The following KCNG3 variants were observed in gnomAD, a reference collection of about 807,000 sequenced individuals.
The protein encoded by KCNG3 is potassium voltage-gated channel modifier subfamily G member 3.
A neutral mutation model predicts 29.0 loss-of-function variants in KCNG3; 15 were observed. That is an observed-to-expected ratio of 0.52 (90% confidence interval 0.35 to 0.80). The LOEUF is 0.80. Among genes scored for constraint, KCNG3 ranks in the 30% least tolerant of loss-of-function variants. The pLI is 0.01. For missense variants in KCNG3, 512 were observed against 605.7 expected (o/e 0.85, Z 1.62); for synonymous variants, 322 against 248.9 (o/e 1.29, Z -2.76).
the KCNG3 span, among the ~76,000 whole-genome samples, chr2:42,432,759 G>A: frequency 2.0e-5 from 3 of 151,966 alleles, no homozygotes; most frequent in Admixed American, 2.0e-4. Context: ...TATACCAATT[G>A]AAGAACTGTT....
the KCNG3 span, among the ~76,000 whole-genome samples, chr2:42,402,384 T>C: frequency 3.9e-5 from 6 of 152,216 alleles, no homozygotes; most frequent in Admixed American, 1.3e-4. Context: ...AATACTTTCC[T>C]TTTAATGGTT....
the KCNG3 span, among the ~76,000 whole-genome samples, chr2:42,407,126 T>C: frequency 6.6e-6 from 1 of 152,066 alleles, no homozygotes; most frequent in African/African-American, 2.4e-5. Flanking sequence ...CAGAATACAT[T>C]TGTCAGTTGT....
chr2:42,437,095 C>T (rs1672390353), downstream of KCNG3, among the ~76,000 whole-genome samples: 1 of 152,074 alleles, frequency 6.6e-6, no homozygotes, highest in South Asian at 2.1e-4. Context: ...CTATCTATTA[C>T]ATGAAGTGGG....
chr2:42,420,139 G>A, the KCNG3 span, among the ~76,000 whole-genome samples: 6 of 152,142 alleles, frequency 3.9e-5, no homozygotes, highest in African/African-American at 9.6e-5. Context: ...CAGGAGAATC[G>A]CTTGAACCCG....
chr2:42,408,834 A>G, the KCNG3 span, among the ~76,000 whole-genome samples: 2 of 152,148 alleles, frequency 1.3e-5, no homozygotes, highest in Non-Finnish European at 2.9e-5. Flanking sequence ...AGTAGAGAAG[A>G]GCTGCAGTCC....
chr2:42,404,289 G>A, the KCNG3 span, among the ~76,000 whole-genome samples: 3 of 141,682 alleles, frequency 2.1e-5, no homozygotes, highest in Non-Finnish European at 3.2e-5. Context: ...CATCAGTTGT[G>A]CCTGATACAA....
At chr2:42,429,744 G>A in the KCNG3 span, among the ~76,000 whole-genome samples, 1 of 152,326 alleles carries the variant, frequency 6.6e-6, no homozygotes, top group Admixed American at 6.5e-5. Context: ...CCAGGTGATG[G>A]TAAGACTCAG....
chr2:42,442,580 C>T lies in KCNG3; in HGVS notation c.*1354G>A, dbSNP rs1672510477. 6.6e-6 allele frequency: 1 copy of T among 152,242 alleles called. No individual in the cohort carries two copies. Among genetic ancestry groups the T allele is most frequent in the South Asian group, 2.1e-4 (1 of 4,834 alleles). The allele number at this position is 152,242 out of a possible 1,614,324, so 9.4% of individuals were successfully genotyped here. A position where few individuals can be genotyped will look rare whatever the true frequency, so the allele number is the denominator to read the frequency against. On this transcript the variant is annotated 3_prime_UTR_variant, in exon 2 of 2. Transcript: ENST00000306078. ...CCTCCATCACCCACCACTTCCCAAT[C>T]CCTGTCTTCTCTACCTCTGACAAAA...
At chr2:42,408,736 C>T in the KCNG3 span, among the ~76,000 whole-genome samples, 2,322 of 152,198 alleles carry the variant, frequency 0.015, 57 homozygotes, top group African/African-American at 0.052. Context: ...CACAAGAACT[C>T]GGGACCATGG....
intron 1 of KCNG3, among the ~76,000 whole-genome samples, chr2:42,448,025 G>C (rs192677238): frequency 1.5e-3 from 227 of 152,156 alleles, no homozygotes; most frequent in African/African-American, 5.2e-3. Context: ...TATTCCCCAC[G>C]GCCTCACTAA....
Position 42,444,444 on chromosome 2 carries a change from G to GATGT in KCNG3, c.797_800dup (p.Ser268HisfsTer26). 1 of 1,614,186 alleles carries GATGT rather than the reference G, an allele frequency of 6.2e-7. No individual in the cohort carries two copies. Among genetic ancestry groups the GATGT allele is most frequent in the Non-Finnish European group, 8.5e-7 (1 of 1,180,040 alleles). On this transcript the variant is annotated frameshift_variant, in exon 2 of 2. Transcript: ENST00000306078. LOFTEE classifies it high-confidence loss of function. The surrounding 1 kb of genome is among the most constrained non-coding windows in gnomAD (Gnocchi z 5.8). ...CTGTAAACACTGTCATCAACACAGA[G>GATGT]ATGTAATACGGCGTGATTGCCAGTA... is the stretch of plus-strand genomic sequence containing the variant.
At chr2:42,460,786 G>C (rs1397177554) in intron 1 of KCNG3, among the ~76,000 whole-genome samples, 1 of 152,124 alleles carries the variant, frequency 6.6e-6, no homozygotes, top group Non-Finnish European at 1.5e-5. Context: ...TAAATGGAAA[G>C]GCAAGTGAAG....
At chr2:42,456,924 G>GC (rs1672890717) in intron 1 of KCNG3, among the ~76,000 whole-genome samples, 5 of 151,882 alleles carry the variant, frequency 3.3e-5, no homozygotes, top group African/African-American at 1.2e-4. Context: ...TGGTTAAATA[G>GC]GAAAAAAGTA....
the KCNG3 span, among the ~76,000 whole-genome samples, chr2:42,393,713 C>T: frequency 3.3e-5 from 5 of 152,146 alleles, no homozygotes; most frequent in Admixed American, 6.5e-5. Context: ...TCATTGCATC[C>T]AAATTGCAGT....
the KCNG3 span, among the ~76,000 whole-genome samples, chr2:42,417,121 T>G: frequency 2.0e-5 from 3 of 152,014 alleles, no homozygotes; most frequent in Non-Finnish European, 4.4e-5. Flanking sequence ...TGGGTGCCTG[T>G]AATCCCAGCT....
At chr2:42,471,850 C>A (rs1486177153) in intron 1 of KCNG3, among the ~76,000 whole-genome samples, 1 of 143,656 alleles carries the variant, frequency 7.0e-6, no homozygotes, top group Non-Finnish European at 1.5e-5. Flanking sequence ...CACCACTGCA[C>A]TCCAGCCTAA....
In KCNG3 at chr2:42,466,753, C is replaced by CCTTTTTTT. The variant is rs1553329191; in HGVS notation, c.666-22175_666-22174insAAAAAAAG. On this transcript the variant is annotated intron_variant, in intron 1 of 1. Coordinates refer to ENST00000306078, the MANE Select transcript of KCNG3 (RefSeq NM_133329.6). ...GTGGCAAAAACTGCAAATACTCTTC[C>CCTTTTTTT]TTTTTTTTTTTTTTTTTGAGATGGA... Among the ~76,000 whole-genome samples the CCTTTTTTT allele has an allele frequency of 3.7e-5, 5 of 134,270 alleles. 1 individual carries two copies. The highest frequency in any genetic ancestry group is 3.3e-5 in the Non-Finnish European group (2 of 61,478). The allele number at this position is 134,270 out of a possible 152,430, so 88.1% of individuals were successfully genotyped here. A position where few individuals can be genotyped will look rare whatever the true frequency, so the allele number is the denominator to read the frequency against.
intron 1 of KCNG3, among the ~76,000 whole-genome samples, chr2:42,487,597 A>G (rs891946704): frequency 1.6e-4 from 24 of 152,192 alleles, no homozygotes; most frequent in African/African-American, 5.3e-4. Context: ...ACTTTTCAGC[A>G]TAGTAAAGAT....
At position 42,485,033 on chromosome 2, in the gene KCNG3, T is replaced by C. The variant is rs530602667; in HGVS notation, c.665+7804A>G. Among the ~76,000 whole-genome samples the C allele has an allele frequency of 3.3e-5, 5 of 152,362 alleles. No homozygotes were observed. The South Asian group carries it at 1.0e-3, about 32-fold the overall frequency. On this transcript the variant is annotated intron_variant, in intron 1 of 1. Coordinates refer to ENST00000306078, the MANE Select transcript of KCNG3 (RefSeq NM_133329.6). ...TTTAAAGTACTTAAAACCTATTGGA[T>C]TTATGCAGTATTGAACTGAAAGGCA...
Sources: allele counts gnomAD v4.1 joint callset (sites outside exome capture counted in the v4.1 genomes callset), GRCh38; gene constraint gnomAD v4.1.1; non-coding constraint Gnocchi (gnomAD v3.1); transcripts MANE v1.5; gene names NCBI Gene and HGNC (gene_info 2026-07-23, HGNC 2026-07-21).